BSN: variants seen among roughly 807,000 people sequenced by gnomAD.
The protein encoded by BSN is bassoon presynaptic cytomatrix protein, also known as protein bassoon.
Under a neutral mutation model 264.8 loss-of-function variants are expected in BSN, and 57 were observed. That is an observed-to-expected ratio of 0.22 (90% CI 0.17 to 0.27). BSN has a LOEUF of 0.27. BSN is among the 10% of genes least tolerant of loss of function. The pLI is 1.00. For synonymous variants in BSN, 2,059 were observed against 2,137.3 expected (o/e 0.96, Z 1.01); for missense variants, 4,615 against 5,232.5 (o/e 0.88, Z 3.64).
chr3:49,634,552 C>T lies in BSN; in HGVS notation c.634-7716C>T, dbSNP rs374181222. On this transcript the variant is annotated intron_variant, in intron 2 of 11. Coordinates refer to ENST00000296452, the MANE Select transcript of BSN (RefSeq NM_003458.4). ...GATTACAGGCATGTGCCACCACACC[C>T]GGCTAAGTTTTGTATTTTTAGTAGA... Among the ~76,000 whole-genome samples, 15 of 152,248 alleles carry T rather than the reference C, an allele frequency of 9.9e-5. No homozygotes were observed. The South Asian group carries it at 1.2e-3, about 13-fold the overall frequency.
chr3:49,586,305 A>G (rs1385489061), intron 1 of BSN, among the ~76,000 whole-genome samples: 6 of 150,898 alleles, frequency 4.0e-5, no homozygotes, highest in Non-Finnish European at 8.9e-5. Context: ...TCTTCAGCAT[A>G]TGGATATCCA....
At chr3:49,634,308 G>A (rs2052405463) in intron 2 of BSN, among the ~76,000 whole-genome samples, 1 of 152,176 alleles carries the variant, frequency 6.6e-6, no homozygotes. Context: ...GAATGGTGGT[G>A]ATGGTTGTAC....
At chr3:49,596,261 G>A (rs1393213745) in intron 1 of BSN, among the ~76,000 whole-genome samples, 5 of 152,156 alleles carry the variant, frequency 3.3e-5, no homozygotes, top group East Asian at 1.9e-4. Context: ...AAAATTAGCC[G>A]GGTGTGGTGG....
Position 49,651,167 on chromosome 3 carries a change from G to T in BSN, c.1986+88G>T. 7.4e-7 allele frequency: 1 copy of T among 1,344,532 alleles called. No homozygotes were observed. The highest frequency in any genetic ancestry group is 1.0e-6 in the Non-Finnish European group (1 of 1,000,732). The allele number at this position is 1,344,532 out of a possible 1,614,324, so 83.3% of individuals were successfully genotyped here. ...GCCTCCCTGGGTGGCTGAGGCTGTAGGCTCAGGACAGGTGCCTTGGGGCCA... is the reference window on the plus strand; with the variant it reads ...GCCTCCCTGGGTGGCTGAGGCTGTATGCTCAGGACAGGTGCCTTGGGGCCA... On this transcript the variant is annotated intron_variant, in intron 4 of 11. Transcript: ENST00000296452. The surrounding 1 kb of genome is among the most constrained non-coding windows in gnomAD (Gnocchi z 5.4).
chr3:49,604,443 C>G (rs1435153359), intron 1 of BSN, among the ~76,000 whole-genome samples: 5 of 152,112 alleles, frequency 3.3e-5, no homozygotes, highest in African/African-American at 1.2e-4. Flanking sequence ...ATTCTAGGTA[C>G]CTCGTGTAAG....
intron 1 of BSN, among the ~76,000 whole-genome samples, chr3:49,604,935 C>T (rs1400465272): frequency 2.0e-5 from 3 of 151,952 alleles, no homozygotes; most frequent in African/African-American, 4.8e-5. Flanking sequence ...GATGTCCTTC[C>T]CAGGGCCTTG....
chr3:49,652,313 T>A lies in BSN; in HGVS notation c.2757T>A (p.Asp919Glu), dbSNP rs745518562. Residue 919 changes from aspartate to glutamate, a missense_variant, in exon 5 of 12, where the codon GAT becomes GAA. Physicochemically the swap from Asp to Glu is conservative, Grantham distance 45. This residue lies in a region of BSN where 1,197 missense variants were observed against 1,348.0 expected (regional missense o/e 0.89). Coordinates refer to ENST00000296452, the MANE Select transcript of BSN (RefSeq NM_003458.4). Reference sequence around the variant, plus strand: ...AGGGAGGCTCAGCAGAGGCTACCGATGGCAGTGGGACCCTGCAGGGTGGGC... The same window carrying A: ...AGGGAGGCTCAGCAGAGGCTACCGAAGGCAGTGGGACCCTGCAGGGTGGGC... ...LPEGGSAEAT[D>E]GSGTLQGGLR... is the part of the protein sequence containing the mutation. The A allele has an allele frequency of 6.3e-7, 1 of 1,597,684 alleles. No individual in the cohort carries two copies. The highest frequency in any genetic ancestry group is 8.5e-7 in the Non-Finnish European group (1 of 1,171,296).
chr3:49,608,344 G>C (rs183050003), intron 1 of BSN, among the ~76,000 whole-genome samples: 1 of 152,324 alleles, frequency 6.6e-6, no homozygotes, highest in Non-Finnish European at 1.5e-5. Flanking sequence ...TGACAGGCAT[G>C]TGGAACCATG....
intron 3 of BSN, among the ~76,000 whole-genome samples, chr3:49,646,861 T>C (rs1487373142): frequency 6.6e-6 from 1 of 152,124 alleles, no homozygotes; most frequent in Non-Finnish European, 1.5e-5. Context: ...GTTTATTTTA[T>C]GGGAGGAAGA....
At position 49,658,098 on chromosome 3, in the gene BSN, C is replaced by A; in HGVS notation, c.8542C>A (p.Arg2848=). The change falls in exon 5 of 12, where the codon CGG becomes AGG. Residue 2848 remains arginine, a synonymous_variant. Coordinates refer to ENST00000296452, the MANE Select transcript of BSN (RefSeq NM_003458.4). ...TLPRPMKTLQ[R]SLSDPKPLSP... ...GCCTCGCCCCATGAAGACCCTGCAG[C>A]GGTCCCTGTCTGACCCTAAGCCCCT... The A allele has an allele frequency of 1.2e-6, 2 of 1,613,136 alleles. No homozygotes were observed. The highest frequency in any genetic ancestry group is 1.7e-6 in the Non-Finnish European group (2 of 1,179,928).
chr3:49,556,827 A>G (rs1401680525), intron 1 of BSN, among the ~76,000 whole-genome samples: 2 of 152,236 alleles, frequency 1.3e-5, no homozygotes, highest in Admixed American at 1.3e-4. Flanking sequence ...AGCCCTGTGA[A>G]TGTGCTTCTG....
chr3:49,587,927 C>CTTTTCTTTTCTTTTCTTTTCTTTTCT (rs144431423), intron 1 of BSN, among the ~76,000 whole-genome samples: 15 of 138,282 alleles, frequency 1.1e-4, no homozygotes, highest in South Asian at 8.7e-4. Context: ...CTTTTCTTTT[C>CTTTTCTTTTCTTTTCTTTTCTTTTCT]TTTTTTTTTT....
At chr3:49,604,124 A>G (rs535429994) in intron 1 of BSN, among the ~76,000 whole-genome samples, 4 of 151,650 alleles carry the variant, frequency 2.6e-5, no homozygotes, top group Admixed American at 6.6e-5. Flanking sequence ...GGGTCTCACT[A>G]TGTTACCCAG....
chr3:49,656,418 G>A lies in BSN; in HGVS notation c.6862G>A (p.Ala2288Thr). ...TGTCTATCTGGGGAAACCTGCTGCT[G>A]CCAAGGCCCCTGGGGCTGGGGGCCC... ...GPVYLGKPAA[A>T]KAPGAGGPSR... Residue 2288 changes from alanine (A) to threonine (T), a missense_variant, in exon 5 of 12, where the codon GCC (alanine) becomes ACC (threonine). Around this residue, in one of 3 missense-constraint regions of BSN, gnomAD observed 3,415 missense variants for 3,866.4 expected, o/e 0.88. Coordinates refer to ENST00000296452, the MANE Select transcript of BSN (RefSeq NM_003458.4). The A allele has an allele frequency of 6.3e-7, 1 of 1,589,952 alleles. No homozygotes were observed. Among genetic ancestry groups the A allele is most frequent in the African/African-American group, 1.3e-5 (1 of 74,372 alleles).
At chr3:49,611,880 A>C (rs1294577911) in intron 1 of BSN, among the ~76,000 whole-genome samples, 2 of 152,144 alleles carry the variant, frequency 1.3e-5, no homozygotes, top group African/African-American at 4.8e-5. Flanking sequence ...GGCTCTGGGT[A>C]GTGACTCTGG....
Position 49,625,324 on chromosome 3 carries a change from C to A in BSN, c.574C>A (p.Gln192Lys). ...CCAGCCAAACTTCAACACCTGCACC[C>A]AGTGTCACAACAAGGTCTGCAACCA... Reference protein sequence around the residue: ...PSQPNFNTCTQCHNKVCNQCG... With the variant: ...PSQPNFNTCTKCHNKVCNQCG... The change falls in exon 2 of 12, where the codon CAG (glutamine) becomes AAG (lysine). Residue 192 changes from glutamine to lysine, a missense_variant. Transcript: ENST00000296452. The surrounding 1 kb of genome is among the most constrained non-coding windows in gnomAD (Gnocchi z 4.4). 6.3e-7 allele frequency: 1 copy of A among 1,583,102 alleles called. No homozygotes were observed. Among genetic ancestry groups the A allele is most frequent in the Non-Finnish European group, 8.6e-7 (1 of 1,165,600 alleles).
At chr3:49,664,990 G>T in intron 10 of BSN, 137 bp downstream of exon 10, 1 of 688,888 alleles carries the variant, frequency 1.5e-6, no homozygotes, top group Non-Finnish European at 2.5e-6. Flanking sequence ...GAGCTGCAAT[G>T]TTCCCTTCTC....
At chr3:49,645,154 G>A (rs906110286) in intron 3 of BSN, among the ~76,000 whole-genome samples, 2 of 152,176 alleles carry the variant, frequency 1.3e-5, no homozygotes, top group Non-Finnish European at 2.9e-5. Context: ...CCATGGGCCT[G>A]AAAGAAAGCT....
At chr3:49,613,004 A>ATGGG in intron 1 of BSN, among the ~76,000 whole-genome samples, 1 of 152,116 alleles carries the variant, frequency 6.6e-6, no homozygotes, top group African/African-American at 2.4e-5. Flanking sequence ...ATGGTGGCAC[A>ATGGG]TGCCTATAAT....
Sources: allele counts gnomAD v4.1 joint callset (sites outside exome capture counted in the v4.1 genomes callset), GRCh38; gene constraint gnomAD v4.1.1; regional missense constraint gnomAD v4.1.1; non-coding constraint Gnocchi (gnomAD v3.1); transcripts MANE v1.5; gene names NCBI Gene and HGNC (gene_info 2026-07-23, HGNC 2026-07-21).